MAGI2: variants seen among roughly 807,000 people sequenced by gnomAD.
The protein encoded by MAGI2 is membrane-associated guanylate kinase, WW and PDZ domain-containing protein 2.
Under a neutral mutation model 133.3 loss-of-function variants are expected in MAGI2, and 35 were observed. The ratio of observed to expected loss-of-function variants is 0.26; its 90% CI spans 0.20 to 0.35. MAGI2 has a LOEUF of 0.35. Among genes scored for constraint, MAGI2 ranks in the 10% least tolerant of loss-of-function variants. The pLI is 1.00. For missense variants in MAGI2, 1,636 were observed against 1,863.4 expected (o/e 0.88, Z 2.25); for synonymous variants, 729 against 710.6 (o/e 1.03, Z -0.41).
At chr7:79,087,678 T>A (rs941699979) in intron 1 of MAGI2, among the ~76,000 whole-genome samples, 1 of 152,020 alleles carries the variant, frequency 6.6e-6, no homozygotes, top group African/African-American at 2.4e-5. Context: ...TTGTATAAGG[T>A]GTAAGGAAGG....
At chr7:78,314,102 A>G (rs2151102441) in intron 9 of MAGI2, among the ~76,000 whole-genome samples, 1 of 152,300 alleles carries the variant, frequency 6.6e-6, no homozygotes. Flanking sequence ...TTCCTTGAAT[A>G]CAAAGATAGA....
chr7:78,420,793 A>C (rs1798725097), intron 6 of MAGI2, among the ~76,000 whole-genome samples: 1 of 152,220 alleles, frequency 6.6e-6, no homozygotes, highest in South Asian at 2.1e-4. Flanking sequence ...TGAAATACTT[A>C]GCTTGGCCAT....
chr7:78,339,375 A>C (rs1057004037), intron 9 of MAGI2, among the ~76,000 whole-genome samples: 1 of 141,334 alleles, frequency 7.1e-6, no homozygotes, highest in African/African-American at 2.4e-5. Flanking sequence ...TTTGTGGTTG[A>C]ATAAAGCTAA....
At chr7:78,647,543 G>C (rs778736002) in intron 2 of MAGI2, among the ~76,000 whole-genome samples, 6 of 152,190 alleles carry the variant, frequency 3.9e-5, no homozygotes, top group Non-Finnish European at 7.3e-5. Context: ...TTACACTGTT[G>C]GTGGGAGTGT....
At chr7:79,401,139 T>G (rs527544052) in intron 1 of MAGI2, among the ~76,000 whole-genome samples, 1 of 152,300 alleles carries the variant, frequency 6.6e-6, no homozygotes, top group Admixed American at 6.5e-5. Context: ...TGTTTAAAAC[T>G]TACAGTGCCA....
At chr7:78,311,738 C>T (rs575251902) in intron 9 of MAGI2, among the ~76,000 whole-genome samples, 1 of 151,372 alleles carries the variant, frequency 6.6e-6, no homozygotes, top group Non-Finnish European at 1.5e-5. Flanking sequence ...TAATTAAAAA[C>T]ATTAATATGC....
At chr7:78,871,954 A>G (rs1795061318) in intron 2 of MAGI2, among the ~76,000 whole-genome samples, 1 of 152,062 alleles carries the variant, frequency 6.6e-6, no homozygotes, top group Non-Finnish European at 1.5e-5. Flanking sequence ...ATTAAAATTC[A>G]TTTTTGACCT....
At chr7:78,290,622 C>T (rs1257742224) in intron 9 of MAGI2, among the ~76,000 whole-genome samples, 1 of 152,184 alleles carries the variant, frequency 6.6e-6, no homozygotes, top group Non-Finnish European at 1.5e-5. Context: ...CTCTCCACCC[C>T]AAATCAACAG....
intron 1 of MAGI2, among the ~76,000 whole-genome samples, chr7:79,326,062 C>A (rs1839673408): frequency 6.6e-6 from 1 of 152,126 alleles, no homozygotes; most frequent in Non-Finnish European, 1.5e-5. Flanking sequence ...AAAACATTCA[C>A]ACACACATAC....
At position 78,950,140 on chromosome 7, in the gene MAGI2, A is replaced by T. The variant is rs545375368; in HGVS notation, c.418+56950T>A. Among the ~76,000 whole-genome samples, 11 of 151,986 alleles carry T rather than the reference A, an allele frequency of 7.2e-5. No individual in the cohort carries two copies. The South Asian group carries it at 2.3e-3, about 32-fold the overall frequency. On this transcript the variant is annotated intron_variant, in intron 2 of 21. Coordinates refer to ENST00000354212, the MANE Select transcript of MAGI2 (RefSeq NM_012301.4). ...GGGGTTAGACATGCATTTCAGGCTG[A>T]TGATTCTCCTGGTCTTCCCCAGCTG...
chr7:79,171,772 T>TATATATA (rs1215314753), intron 1 of MAGI2, among the ~76,000 whole-genome samples: 52 of 21,712 alleles, frequency 2.4e-3, no homozygotes, highest in East Asian at 9.4e-3. Flanking sequence ...ATATATATAT[T>TATATATA]TTTTTTTTTT....
rs1444275883 is a variant in MAGI2, at chr7:78,639,118, T to C, written c.419-11879A>G. ...GTTTAGTGGATCATAACTTTATCATTTTATCACTGTTAGAATCTTGCAATG... is the reference window on the plus strand; with the variant it reads ...GTTTAGTGGATCATAACTTTATCATCTTATCACTGTTAGAATCTTGCAATG... On this transcript the variant is annotated intron_variant, in intron 2 of 21. Transcript: ENST00000354212. Among the ~76,000 whole-genome samples the C allele has an allele frequency of 2.0e-5, 3 of 152,178 alleles. No homozygotes were observed. In the East Asian group the frequency reaches 5.8e-4, roughly 29 times the overall value.
chr7:78,909,063 G>A (rs187356293), intron 2 of MAGI2, among the ~76,000 whole-genome samples: 3 of 150,340 alleles, frequency 2.0e-5, no homozygotes, highest in East Asian at 3.9e-4. Context: ...CAATCTACCC[G>A]TCTGACAAAG....
chr7:79,294,636 T>C (rs1172131861), intron 1 of MAGI2, among the ~76,000 whole-genome samples: 1 of 151,690 alleles, frequency 6.6e-6, no homozygotes, highest in African/African-American at 2.4e-5. Flanking sequence ...TTGAACATAC[T>C]AGGTGATAAC....
intron 2 of MAGI2, among the ~76,000 whole-genome samples, chr7:78,803,503 A>G (rs531010654): frequency 1.5e-3 from 235 of 152,108 alleles, no homozygotes; most frequent in Non-Finnish European, 2.5e-3. Context: ...TTTTTTTGCA[A>G]TGAGCAGAGT....
At position 79,214,391 on chromosome 7, in the gene MAGI2, CTCTCTCTCTCTCTCTCTATATA is replaced by C. The variant is rs1264889212; in HGVS notation, c.302-207207_302-207186del. On this transcript the variant is annotated intron_variant, in intron 1 of 21. Transcript: ENST00000354212. ...TCTCTCTCTCTCTCTCTCTCTCTCT[CTCTCTCTCTCTCTCTCTATATA>C]TATATATATATATATATATATATAT... Among the ~76,000 whole-genome samples, 485 of 93,060 alleles carry C rather than the reference CTCTCTCTCTCTCTCTCTATATA, an allele frequency of 5.2e-3. 2 individuals are homozygous for C. Among genetic ancestry groups the C allele is most frequent in the Non-Finnish European group, 7.2e-3 (349 of 48,582 alleles). The allele number at this position is 93,060 out of a possible 152,430, so 61.1% of individuals were successfully genotyped here. A position where few individuals can be genotyped will look rare whatever the true frequency, so the allele number is the denominator to read the frequency against.
intron 1 of MAGI2, among the ~76,000 whole-genome samples, chr7:79,173,485 C>T (rs569214810): frequency 7.9e-5 from 12 of 152,102 alleles, no homozygotes; most frequent in African/African-American, 2.9e-4. Context: ...GACTCCACAC[C>T]CAGCTTACTT....
intron 1 of MAGI2, among the ~76,000 whole-genome samples, chr7:79,060,768 C>T (rs141351277): frequency 9.8e-4 from 149 of 152,148 alleles, no homozygotes; most frequent in Admixed American, 2.2e-3. Flanking sequence ...CTGTGTTTCC[C>T]ACCTGATAGA....
At chr7:78,593,082 A>G (rs745619211) in intron 3 of MAGI2, among the ~76,000 whole-genome samples, 5 of 151,090 alleles carry the variant, frequency 3.3e-5, no homozygotes, top group Admixed American at 2.0e-4. Flanking sequence ...TAGCCTCCCA[A>G]ATTGCTAGGA....
Sources: gnomAD v4.1 joint callset for allele counts (sites outside exome capture counted in the v4.1 genomes callset) on GRCh38, gnomAD v4.1.1 for gene constraint, MANE v1.5 for transcripts, NCBI Gene and HGNC (gene_info 2026-07-23, HGNC 2026-07-21) for gene names.